AVEN: variants seen among roughly 807,000 people sequenced by gnomAD.
The protein encoded by AVEN is cell death regulator Aven.
A neutral mutation model predicts 38.1 loss-of-function variants in AVEN; 41 were observed. The observed-to-expected ratio is 1.08, with a 90% CI of 0.84 to 1.40. The LOEUF is 1.40. Ranked by LOEUF, AVEN falls within the 40% of genes most tolerant of loss-of-function variation. The probability of loss-of-function intolerance (pLI) is 0.00; values close to 1 mark genes in which losing one functional copy is unlikely to be tolerated. For synonymous variants in AVEN, 206 were observed against 171.8 expected (o/e 1.20, Z -1.56); for missense variants, 605 against 438.8 (o/e 1.38, Z -3.38).
intron 2 of AVEN, among the ~76,000 whole-genome samples, chr15:33,882,521 G>T (rs892569704): frequency 2.0e-5 from 3 of 149,532 alleles, no homozygotes; most frequent in Non-Finnish European, 3.0e-5. Context: ...ATTAATAAGA[G>T]ATTTTTAAAT....
At chr15:33,871,567 T>G (rs1890951688) in intron 3 of AVEN, among the ~76,000 whole-genome samples, 1 of 148,640 alleles carries the variant, frequency 6.7e-6, no homozygotes, top group Non-Finnish European at 1.5e-5. Flanking sequence ...AAACTCCATC[T>G]CAAAAAAAAA....
intron 1 of AVEN, among the ~76,000 whole-genome samples, chr15:34,009,363 T>C (rs1290218726): frequency 6.6e-6 from 1 of 152,180 alleles, no homozygotes; most frequent in African/African-American, 2.4e-5. Context: ...AACTATAAAA[T>C]ATCACATAAA....
At chr15:34,032,094 A>G (rs183312434) in intron 1 of AVEN, among the ~76,000 whole-genome samples, 16 of 152,308 alleles carry the variant, frequency 1.1e-4, no homozygotes, top group Non-Finnish European at 1.6e-4. Flanking sequence ...CAGTGCCGTA[A>G]TAAGTTAGTC....
At chr15:33,864,284 C>A, downstream of AVEN, 1 of 919,330 alleles carries the variant, frequency 1.1e-6, no homozygotes, top group South Asian at 1.6e-5. Context: ...CATACATGGC[C>A]CCATTAATCC....
chr15:33,869,715 T>G (rs1890852751), intron 4 of AVEN, among the ~76,000 whole-genome samples: 1 of 152,176 alleles, frequency 6.6e-6, no homozygotes, highest in Non-Finnish European at 1.5e-5. Context: ...AATGAATGGG[T>G]AACCAATTCA....
chr15:34,030,538 G>C (rs1003311228), intron 1 of AVEN, among the ~76,000 whole-genome samples: 4 of 152,046 alleles, frequency 2.6e-5, no homozygotes, highest in African/African-American at 9.7e-5. Flanking sequence ...AGTAGAGACA[G>C]GGTTTCATTG....
intron 3 of AVEN, 46 bp downstream of exon 3, chr15:33,875,879 G>T: frequency 1.3e-6 from 2 of 1,528,984 alleles, no homozygotes; most frequent in Non-Finnish European, 1.8e-6. Context: ...TTAGCCTTCA[G>T]CCTTGAAGAA....
rs373259987 is a variant in AVEN, at chr15:33,895,586, A to G, written c.446-19591T>C. 4.0e-4 allele frequency among the ~76,000 whole-genome samples: 61 copies of G among 152,122 alleles called. No homozygotes were observed. The South Asian group carries it at 0.013, about 31-fold the overall frequency. Reference sequence around the variant, plus strand: ...GTGTTCTTCCCACCTCAGCCTCCCAAAGTGCTGGAATTACAGGCATGAGCC... The same window carrying G: ...GTGTTCTTCCCACCTCAGCCTCCCAGAGTGCTGGAATTACAGGCATGAGCC... On this transcript the variant is annotated intron_variant, in intron 2 of 5. Coordinates refer to ENST00000306730, the MANE Select transcript of AVEN (RefSeq NM_020371.3).
At chr15:34,025,646 T>C (rs1376854114) in intron 1 of AVEN, among the ~76,000 whole-genome samples, 1 of 152,210 alleles carries the variant, frequency 6.6e-6, no homozygotes, top group Non-Finnish European at 1.5e-5. Flanking sequence ...TCCTTGCTTT[T>C]AGGAAATACA....
intron 2 of AVEN, among the ~76,000 whole-genome samples, chr15:33,959,713 G>A (rs1216005861): frequency 1.3e-5 from 2 of 152,224 alleles, no homozygotes; most frequent in Admixed American, 1.3e-4. Flanking sequence ...GTCCTTCTCA[G>A]CAAATGCTGG....
chr15:34,062,291 C>T (rs1251101458), intron 5 of AVEN, among the ~76,000 whole-genome samples: 2 of 152,156 alleles, frequency 1.3e-5, no homozygotes, highest in East Asian at 3.9e-4. Flanking sequence ...CGCGGTGGCT[C>T]ACGCCTGTAA....
intron 2 of AVEN, among the ~76,000 whole-genome samples, chr15:33,997,041 A>G (rs1896965252): frequency 4.6e-5 from 7 of 152,252 alleles, no homozygotes; most frequent in Admixed American, 4.6e-4. Flanking sequence ...AAACCATGGC[A>G]CAAGAATGTA....
chr15:34,035,982 GA>G (rs1220780749), intron 1 of AVEN, among the ~76,000 whole-genome samples: 3 of 152,032 alleles, frequency 2.0e-5, no homozygotes, highest in African/African-American at 7.3e-5. Context: ...TTTTTATAGA[GA>G]GGGGGTCTCG....
In AVEN at chr15:34,038,998, G is replaced by T. The variant is rs1899326378; in HGVS notation, c.49C>A (p.Arg17Ser). The change falls in exon 1 of 6, where the codon CGC becomes AGC. Residue 17 changes from arginine to serine, a missense_variant. Arg to Ser is a moderately radical substitution (Grantham distance 110). Coordinates refer to ENST00000306730, the MANE Select transcript of AVEN (RefSeq NM_020371.3). The part of the protein sequence containing the change: ...ARGGRGRRPG[R>S]GRPGGDRHSE... Reference sequence around the variant, plus strand: ...TGGCGATCTCCGCCAGGCCGGCCGCGGCCTGGCCGCCGCCCACGGCCTCCC... The same window carrying T: ...TGGCGATCTCCGCCAGGCCGGCCGCTGCCTGGCCGCCGCCCACGGCCTCCC... The T allele has an allele frequency of 8.9e-7, 1 of 1,118,982 alleles. No individual in the cohort carries two copies. 69.3% of individuals were successfully genotyped at this position (1,118,982 alleles called of 1,614,324 possible).
downstream of AVEN, among the ~76,000 whole-genome samples, chr15:33,855,331 G>A (rs150365792): frequency 3.5e-4 from 54 of 152,322 alleles, no homozygotes; most frequent in East Asian, 0.01. Flanking sequence ...AGCCTCCAGA[G>A]TAGCTGGGAT....
chr15:34,021,457 G>C (rs1233367392), intron 1 of AVEN, among the ~76,000 whole-genome samples: 1 of 151,930 alleles, frequency 6.6e-6, no homozygotes, highest in Non-Finnish European at 1.5e-5. Flanking sequence ...AGCTAAGTTT[G>C]TATTTTTAGT....
intron 2 of AVEN, among the ~76,000 whole-genome samples, chr15:33,908,104 T>C (rs1892775906): frequency 6.6e-6 from 1 of 152,226 alleles, no homozygotes; most frequent in South Asian, 2.1e-4. Context: ...AAGATATACA[T>C]AAAATTTACG....
chr15:33,959,175 T>C (rs1895074888), intron 2 of AVEN, among the ~76,000 whole-genome samples: 1 of 152,158 alleles, frequency 6.6e-6, no homozygotes, highest in African/African-American at 2.4e-5. Flanking sequence ...AAACATCACC[T>C]CATTTGTGAA....
At chr15:34,048,250 C>T (rs1899795256) in intron 5 of AVEN, among the ~76,000 whole-genome samples, 1 of 152,228 alleles carries the variant, frequency 6.6e-6, no homozygotes, top group Non-Finnish European at 1.5e-5. Context: ...GCTTCAACCA[C>T]TCCAGCCAGG....
Sources: gnomAD v4.1 joint callset for allele counts (sites outside exome capture counted in the v4.1 genomes callset) on GRCh38, gnomAD v4.1.1 for gene constraint, MANE v1.5 for transcripts, NCBI Gene and HGNC (gene_info 2026-07-23, HGNC 2026-07-21) for gene names.